The following GALNT17 variants were observed in gnomAD, a reference collection of about 807,000 sequenced individuals.
The protein encoded by GALNT17 is polypeptide N-acetylgalactosaminyltransferase 17, also known as UDP-GalNAc:polypeptide N-acetylgalactosaminyltransferase-like 3.
A neutral mutation model predicts 63.7 loss-of-function variants in GALNT17; 29 were observed. The observed-to-expected ratio is 0.46, with a 90% CI of 0.34 to 0.62. GALNT17 has a LOEUF of 0.62. Ranked by LOEUF, GALNT17 falls within the 20% of genes least tolerant of loss-of-function variation. The pLI, the probability that GALNT17 is intolerant of heterozygous loss-of-function variation, is 0.01. For missense variants in GALNT17, 603 were observed against 799.6 expected, an observed-to-expected ratio of 0.75 and a Z score of 2.97; for synonymous variants, 305 against 318.3, an observed-to-expected ratio of 0.96 and a Z score of 0.45.
intron 1 of GALNT17, among the ~76,000 whole-genome samples, chr7:71,187,972 A>G (rs1328297693): frequency 6.6e-6 from 1 of 152,180 alleles, no homozygotes; most frequent in Non-Finnish European, 1.5e-5. Context: ...AGAACATACA[A>G]TGTTTGGTTT....
chr7:71,687,119 C>A (rs1471442698), intron 9 of GALNT17, among the ~76,000 whole-genome samples: 1 of 152,210 alleles, frequency 6.6e-6, no homozygotes, highest in Non-Finnish European at 1.5e-5. Context: ...TTAGCGACGT[C>A]TCCTCTGTGT....
chr7:71,692,246 A>AAT (rs1791458411), intron 9 of GALNT17, among the ~76,000 whole-genome samples: 1 of 152,260 alleles, frequency 6.6e-6, no homozygotes, highest in East Asian at 1.9e-4. Context: ...CTGAAGGCAC[A>AAT]ATAGCATTTC....
chr7:71,647,153 C>A (rs1295804798), intron 6 of GALNT17, among the ~76,000 whole-genome samples: 1 of 151,958 alleles, frequency 6.6e-6, no homozygotes, highest in African/African-American at 2.4e-5. Context: ...CAACCTCCAC[C>A]TCCCAGGTTC....
At chr7:71,388,514 G>T in intron 3 of GALNT17, 113 bp downstream of exon 3, 1 of 1,295,722 alleles carries the variant, frequency 7.7e-7, no homozygotes, top group East Asian at 2.5e-5. Flanking sequence ...AGCATATCTG[G>T]GGAAGGGATA....
At position 71,426,779 on chromosome 7, in the gene GALNT17, G is replaced by A. The variant is rs149351005; in HGVS notation, c.962+5674G>A. On this transcript the variant is annotated intron_variant, in intron 5 of 10. Transcript: ENST00000333538. ...TACTAAAAATACAAAAATTAGCTGG[G>A]CATGGTGATGCACACCTGTAATCCC... is the stretch of plus-strand genomic sequence containing the variant. Among the ~76,000 whole-genome samples, 514 of 151,954 alleles carry A rather than the reference G, an allele frequency of 3.4e-3. 3 individuals are homozygous for A. The highest frequency in any genetic ancestry group is 0.012 in the African/African-American group (492 of 41,472).
intron 1 of GALNT17, among the ~76,000 whole-genome samples, chr7:71,256,601 A>C (rs1790294804): frequency 6.6e-6 from 1 of 152,094 alleles, no homozygotes; most frequent in African/African-American, 2.4e-5. Context: ...ACCAAAAACA[A>C]AAAAACAAAA....
At position 71,383,262 on chromosome 7, in the gene GALNT17, C is replaced by A. The variant is rs545363638; in HGVS notation, c.423-4973C>A. ...CTGAAGGGGATTGGCTCCAGATCCCCCTTGGATACCAAAATCCCTGGAAGC... is the reference window on the plus strand; with the variant it reads ...CTGAAGGGGATTGGCTCCAGATCCCACTTGGATACCAAAATCCCTGGAAGC... On this transcript the variant is annotated intron_variant, in intron 2 of 10. Coordinates refer to ENST00000333538, the MANE Select transcript of GALNT17 (RefSeq NM_022479.3). 5.3e-5 allele frequency among the ~76,000 whole-genome samples: 8 copies of A among 152,230 alleles called. No homozygotes were observed. In the East Asian group the frequency reaches 1.5e-3, roughly 29 times the overall value.
intron 5 of GALNT17, among the ~76,000 whole-genome samples, chr7:71,490,660 G>T (rs374907263): frequency 6.6e-6 from 1 of 150,838 alleles, no homozygotes; most frequent in African/African-American, 2.4e-5. Flanking sequence ...AGTACTTCGG[G>T]AGGCTGAGGC....
chr7:71,541,692 C>T (rs960313348), intron 5 of GALNT17, among the ~76,000 whole-genome samples: 1 of 152,154 alleles, frequency 6.6e-6, no homozygotes, highest in South Asian at 2.1e-4. Flanking sequence ...TGCCACTAAG[C>T]CACCCTTTCC....
chr7:71,382,573 A>G (rs1185880614), intron 2 of GALNT17, among the ~76,000 whole-genome samples: 2 of 152,100 alleles, frequency 1.3e-5, no homozygotes, highest in Non-Finnish European at 1.5e-5. Context: ...GGGGTCTGAG[A>G]TAATTGCACT....
chr7:71,176,434 C>A (rs113886540), intron 1 of GALNT17, among the ~76,000 whole-genome samples: 3 of 152,114 alleles, frequency 2.0e-5, no homozygotes, highest in Non-Finnish European at 4.4e-5. Context: ...AGCAAAAAAT[C>A]TGACCTGACA....
At position 71,508,969 on chromosome 7, in the gene GALNT17, C is replaced by T. The variant is rs188441571; in HGVS notation, c.963-62316C>T. ...GTGCATGCCCGTTCCCGTGTGTCTG[C>T]GTACATACAGCCTCTCACCTGCTTT... On this transcript the variant is annotated intron_variant, in intron 5 of 10. Transcript: ENST00000333538. 9.9e-5 allele frequency among the ~76,000 whole-genome samples: 15 copies of T among 152,208 alleles called. No homozygotes were observed. In the South Asian group the frequency reaches 1.0e-3, roughly 11 times the overall value.
chr7:71,192,854 G>A (rs1035553530), intron 1 of GALNT17, among the ~76,000 whole-genome samples: 3 of 152,150 alleles, frequency 2.0e-5, no homozygotes, highest in Non-Finnish European at 2.9e-5. Flanking sequence ...CTGTGGAGTG[G>A]TAGCCCACAT....
At chr7:71,499,774 G>A (rs1788151305) in intron 5 of GALNT17, among the ~76,000 whole-genome samples, 1 of 152,132 alleles carries the variant, frequency 6.6e-6, no homozygotes, top group Non-Finnish European at 1.5e-5. Flanking sequence ...CACTGATATG[G>A]TTTGGCTGTG....
intron 1 of GALNT17, among the ~76,000 whole-genome samples, chr7:71,301,330 T>C (rs913448164): frequency 2.7e-5 from 4 of 147,744 alleles, no homozygotes; most frequent in Non-Finnish European, 6.0e-5. Context: ...AAAAATATTT[T>C]TTAATTATTA....
At chr7:71,255,325 T>A (rs1028519038) in intron 1 of GALNT17, among the ~76,000 whole-genome samples, 37 of 152,238 alleles carry the variant, frequency 2.4e-4, no homozygotes, top group African/African-American at 7.2e-4. Flanking sequence ...GGAGTATCCC[T>A]GCACAAGCTC....
At chr7:71,299,331 A>T (rs930489253) in intron 1 of GALNT17, among the ~76,000 whole-genome samples, 5 of 152,122 alleles carry the variant, frequency 3.3e-5, no homozygotes, top group Non-Finnish European at 7.3e-5. Context: ...AGAGGATGGG[A>T]ACTGCCGTTT....
At chr7:71,580,567 A>G (rs961658529) in intron 6 of GALNT17, among the ~76,000 whole-genome samples, 1 of 152,160 alleles carries the variant, frequency 6.6e-6, no homozygotes, top group African/African-American at 2.4e-5. Flanking sequence ...TGGAAAATAG[A>G]TGATAAAGCT....
In GALNT17 at chr7:71,537,643, C is replaced by G. The variant is rs191166118; in HGVS notation, c.963-33642C>G. Reference sequence around the variant, plus strand: ...CCTGACCAACATGGCGAAACCCTGTCTGTGCTAAAAATACAAAAATTAGCC... The same window carrying G: ...CCTGACCAACATGGCGAAACCCTGTGTGTGCTAAAAATACAAAAATTAGCC... On this transcript the variant is annotated intron_variant, in intron 5 of 10. Coordinates refer to ENST00000333538, the MANE Select transcript of GALNT17 (RefSeq NM_022479.3). 1.8e-4 allele frequency among the ~76,000 whole-genome samples: 27 copies of G among 152,186 alleles called. No individual in the cohort carries two copies. The East Asian group carries it at 5.2e-3, about 29-fold the overall frequency.
Sources: allele counts gnomAD v4.1 joint callset (sites outside exome capture counted in the v4.1 genomes callset), GRCh38; gene constraint gnomAD v4.1.1; transcripts MANE v1.5; gene names NCBI Gene and HGNC (gene_info 2026-07-23, HGNC 2026-07-21).